Variants in CAST observed in about 807,000 individuals in gnomAD.
CAST encodes calpastatin.
Under a neutral mutation model 119.6 loss-of-function variants are expected in CAST, and 76 were observed. That is an observed-to-expected ratio of 0.64 (90% CI 0.53 to 0.77). The LOEUF (loss-of-function observed/expected upper bound fraction) is 0.77, where lower values mean the gene tolerates loss of function less well. CAST is among the 30% of genes least tolerant of loss of function. The pLI, the probability that CAST is intolerant of heterozygous loss-of-function variation, is 0.00. For missense variants in CAST, 953 were observed against 946.5 expected (o/e 1.01, Z -0.09); for synonymous variants, 319 against 331.6 (o/e 0.96, Z 0.41).
the CAST span, among the ~76,000 whole-genome samples, chr5:96,303,191 A>T: frequency 6.6e-6 from 1 of 152,246 alleles, no homozygotes; most frequent in Admixed American, 6.5e-5. Context: ...AGTCTTACAC[A>T]CTTTTAAACA....
At chr5:96,110,936 C>A in the CAST span, 4 of 152,140 alleles carry the variant, frequency 2.6e-5, no homozygotes, top group African/African-American at 9.7e-5. Flanking sequence ...TTTTCTAGAC[C>A]AAGAAATTCT....
At chr5:96,097,264 G>A in the CAST span, among the ~76,000 whole-genome samples, 1 of 151,574 alleles carries the variant, frequency 6.6e-6, no homozygotes, top group South Asian at 2.1e-4. Context: ...AGTTGTGTCT[G>A]CTGTGGAGTT....
chr5:96,283,710 G>T, the CAST span, among the ~76,000 whole-genome samples: 13 of 152,182 alleles, frequency 8.5e-5, no homozygotes, highest in African/African-American at 3.1e-4. Context: ...TTTGTTTTAT[G>T]TGCAGTGGAC....
chr5:96,548,225 A>G (rs916617038), intron 1 of CAST, among the ~76,000 whole-genome samples: 2 of 152,210 alleles, frequency 1.3e-5, no homozygotes, highest in African/African-American at 2.4e-5. Flanking sequence ...TCAATTCTCA[A>G]TGAGGCAACA....
At chr5:96,683,203 G>A (rs764789993) in intron 2 of CAST, among the ~76,000 whole-genome samples, 1 of 152,164 alleles carries the variant, frequency 6.6e-6, no homozygotes, top group African/African-American at 2.4e-5. Context: ...GGGTCTTTCA[G>A]GGACATAAGC....
intron 1 of CAST, among the ~76,000 whole-genome samples, chr5:96,598,604 G>GA (rs1270701488): frequency 6.6e-6 from 1 of 152,138 alleles, no homozygotes; most frequent in Non-Finnish European, 1.5e-5. Context: ...TTTTCTATGA[G>GA]AAAAATGGAA....
chr5:96,715,299 T>C (rs1757002750), intron 3 of CAST, among the ~76,000 whole-genome samples: 1 of 152,200 alleles, frequency 6.6e-6, no homozygotes, highest in Non-Finnish European at 1.5e-5. Flanking sequence ...GGTACTTTCC[T>C]ACCCCTAAGT....
the CAST span, among the ~76,000 whole-genome samples, chr5:96,115,848 C>T: frequency 1.3e-5 from 2 of 151,882 alleles, no homozygotes; most frequent in African/African-American, 4.8e-5. Context: ...TGTGAAGTAC[C>T]CAGACTATTT....
rs555126654 is a variant in CAST at position 96,671,810 on chromosome 5, C to T, written c.76-3729C>T. Among the ~76,000 whole-genome samples the T allele has an allele frequency of 5.9e-5, 9 of 152,356 alleles. No individual in the cohort carries two copies. In the East Asian group the frequency reaches 7.7e-4, roughly 13 times the overall value. The stretch of plus-strand genomic sequence containing the variant: ...AGTGGTCAGCAGAGTTTTCTCTCTT[C>T]GCTCTTTAGAAAGACGCCTGCAGAT... On this transcript the variant is annotated intron_variant, in intron 1 of 31. Coordinates refer to ENST00000675179, the MANE Select transcript of CAST (RefSeq NM_001750.7).
the CAST span, among the ~76,000 whole-genome samples, chr5:96,005,322 G>C: frequency 3.9e-5 from 6 of 152,030 alleles, no homozygotes; most frequent in East Asian, 1.2e-3. Context: ...ACAAGAGAAT[G>C]GACACTCTGG....
chr5:96,170,306 C>A, the CAST span, among the ~76,000 whole-genome samples: 1 of 152,160 alleles, frequency 6.6e-6, no homozygotes, highest in Non-Finnish European at 1.5e-5. Flanking sequence ...TGCCGGCATT[C>A]CTTGGCCCAG....
chr5:96,551,339 A>G (rs1746122984), intron 1 of CAST, among the ~76,000 whole-genome samples: 1 of 152,206 alleles, frequency 6.6e-6, no homozygotes, highest in Non-Finnish European at 1.5e-5. Flanking sequence ...TGAAGGAAAA[A>G]CAAAATCCTT....
the CAST span, among the ~76,000 whole-genome samples, chr5:96,031,467 C>T: frequency 1.1e-4 from 17 of 152,040 alleles, no homozygotes; most frequent in Admixed American, 9.2e-4. Context: ...CACTTTTGCC[C>T]GCTTGGTAGA....
In CAST at chr5:96,598,997, C is replaced by T. The variant is rs578079083; in HGVS notation, c.60+69117C>T. Among the ~76,000 whole-genome samples, 195 of 152,310 alleles carry T rather than the reference C, an allele frequency of 1.3e-3. 3 individuals carry two copies. The highest frequency in any genetic ancestry group is 1.3e-4 in the Non-Finnish European group (9 of 68,030). On this transcript the variant is annotated intron_variant, in intron 1 of 11. Coordinates refer to the CAST transcript ENST00000505143. ...CAGGCTTCTCTGGTTCCTACATCTT[C>T]GGACCCAGACTGGAGGTCTCCAGCT...
the CAST span, among the ~76,000 whole-genome samples, chr5:96,359,954 T>C: frequency 6.6e-6 from 1 of 152,214 alleles, no homozygotes. Flanking sequence ...ATTCTCCCCG[T>C]CACTTTCAGG....
the CAST span, among the ~76,000 whole-genome samples, chr5:96,185,721 T>C: frequency 3.1e-3 from 468 of 152,326 alleles, 3 homozygotes; most frequent in African/African-American, 0.011. Context: ...TCTGTTCTTG[T>C]ACCAGTGCCA....
the CAST span, among the ~76,000 whole-genome samples, chr5:96,169,173 T>G: frequency 6.6e-6 from 1 of 152,050 alleles, no homozygotes; most frequent in African/African-American, 2.4e-5. Context: ...ACGTGTGTTT[T>G]TATGAGAATT....
intron 20 of CAST, 95 bp from the exon 21 acceptor site, chr5:96,753,965 A>T: frequency 1.4e-6 from 1 of 725,548 alleles, no homozygotes; most frequent in Admixed American, 2.1e-5. Flanking sequence ...TGTGCCTTTT[A>T]TCTGAAATAA....
chr5:96,222,836 CA>C, the CAST span, among the ~76,000 whole-genome samples: 1 of 152,108 alleles, frequency 6.6e-6, no homozygotes, highest in African/African-American at 2.4e-5. Context: ...GCACCATTCA[CA>C]ATAGCATAGA....
Sources: gnomAD v4.1 joint callset for allele counts (sites outside exome capture counted in the v4.1 genomes callset) on GRCh38, gnomAD v4.1.1 for gene constraint, MANE v1.5 for transcripts, NCBI Gene and HGNC (gene_info 2026-07-23, HGNC 2026-07-21) for gene names.